The following PARN variants were observed in gnomAD, a reference collection of about 807,000 sequenced individuals.
The protein encoded by PARN is poly(A)-specific ribonuclease, also known as poly(A)-specific ribonuclease PARN.
In PARN, 71 loss-of-function variants were observed where a neutral mutation model predicts 102.8. That is an observed-to-expected ratio of 0.69 (90% CI 0.57 to 0.84). The LOEUF (loss-of-function observed/expected upper bound fraction) is 0.84, where lower values mean the gene tolerates loss of function less well. Among genes scored for constraint, PARN ranks in the 40% least tolerant of loss-of-function variants. The pLI is 0.00. For missense variants in PARN, 782 were observed against 760.9 expected (o/e 1.03, Z -0.33); for synonymous variants, 261 against 252.9 (o/e 1.03, Z -0.30).
At chr16:14,609,208 T>A (rs867663108) in intron 7 of PARN, 85 bp from the exon 8 acceptor site, 1 of 660,310 alleles carries the variant, frequency 1.5e-6, no homozygotes, top group Admixed American at 3.0e-5. Flanking sequence ...CCAAAAACAG[T>A]CTAACTATAA....
At chr16:14,485,358 T>C (rs771907501) in intron 21 of PARN, among the ~76,000 whole-genome samples, 5 of 152,246 alleles carry the variant, frequency 3.3e-5, no homozygotes, top group African/African-American at 7.2e-5. Context: ...CCAATAACCA[T>C]TGTCCACCCA....
At chr16:14,589,679 A>G (rs1255361048) in intron 13 of PARN, among the ~76,000 whole-genome samples, 1 of 152,146 alleles carries the variant, frequency 6.6e-6, no homozygotes, top group African/African-American at 2.4e-5. Context: ...CGGCCTGGCC[A>G]ACATGGCGAA....
intron 11 of PARN, among the ~76,000 whole-genome samples, chr16:14,600,510 A>C (rs1471205414): frequency 6.6e-6 from 1 of 151,982 alleles, no homozygotes; most frequent in Non-Finnish European, 1.5e-5. Context: ...CCCTCCTCTA[A>C]GATCTCTCAG....
chr16:14,590,034 T>C (rs1970078730), intron 13 of PARN, among the ~76,000 whole-genome samples: 1 of 151,652 alleles, frequency 6.6e-6, no homozygotes, highest in Non-Finnish European at 1.5e-5. Flanking sequence ...GTGGATCCCC[T>C]GAGGTCAGGA....
At chr16:14,480,612 C>T (rs143611781) in intron 22 of PARN, among the ~76,000 whole-genome samples, 2 of 152,278 alleles carry the variant, frequency 1.3e-5, no homozygotes, top group East Asian at 3.9e-4. Context: ...AACCACAATG[C>T]AATACTGTCT....
intron 5 of PARN, among the ~76,000 whole-genome samples, chr16:14,623,623 G>A (rs541258365): frequency 3.3e-5 from 5 of 151,970 alleles, no homozygotes; most frequent in African/African-American, 1.2e-4. Flanking sequence ...GATCACCTGA[G>A]GTCAGGAGTT....
chr16:14,609,720 A>T (rs1971404444), intron 7 of PARN, among the ~76,000 whole-genome samples: 1 of 152,260 alleles, frequency 6.6e-6, no homozygotes, highest in African/African-American at 2.4e-5. Flanking sequence ...TGGTTACACC[A>T]ACAACTAAGC....
intron 11 of PARN, among the ~76,000 whole-genome samples, chr16:14,603,632 C>T (rs1416048680): frequency 1.3e-5 from 2 of 152,192 alleles, no homozygotes; most frequent in African/African-American, 2.4e-5. Flanking sequence ...TACTCACTAT[C>T]CTACGCCAGG....
intron 22 of PARN, among the ~76,000 whole-genome samples, chr16:14,472,522 G>A (rs989116966): frequency 6.6e-6 from 1 of 152,172 alleles, no homozygotes; most frequent in Non-Finnish European, 1.5e-5. Context: ...CCCTTTAAAA[G>A]CCAACTAGAC....
intron 21 of PARN, among the ~76,000 whole-genome samples, chr16:14,550,399 C>T (rs987937442): frequency 6.6e-6 from 1 of 152,212 alleles, no homozygotes; most frequent in African/African-American, 2.4e-5. Context: ...AGCTCAAAGC[C>T]ATGCCAAGGT....
intron 19 of PARN, among the ~76,000 whole-genome samples, chr16:14,554,624 G>A (rs935317628): frequency 6.6e-6 from 1 of 151,232 alleles, no homozygotes; most frequent in Non-Finnish European, 1.5e-5. Flanking sequence ...TTTTATTTTT[G>A]TAGAGATGGG....
intron 21 of PARN, among the ~76,000 whole-genome samples, chr16:14,483,990 C>G (rs775135231): frequency 4.6e-5 from 7 of 152,172 alleles, no homozygotes; most frequent in South Asian, 2.1e-4. Context: ...TCCCTCACCC[C>G]CTCCTGTCCT....
intron 22 of PARN, among the ~76,000 whole-genome samples, chr16:14,480,530 A>G (rs1266144935): frequency 6.6e-6 from 1 of 152,248 alleles, no homozygotes; most frequent in African/African-American, 2.4e-5. Context: ...AGACTTAAAA[A>G]GCCACCTCAT....
At chr16:14,582,346 C>T (rs1969585400) in intron 16 of PARN, 55 bp from the exon 17 acceptor site, 6 of 1,120,002 alleles carry the variant, frequency 5.4e-6, no homozygotes, top group Admixed American at 5.1e-5. Flanking sequence ...AAGCACATTG[C>T]CCTACCAATC....
chr16:14,606,346 C>A, intron 10 of PARN, 138 bp downstream of exon 10: 1 of 460,600 alleles, frequency 2.2e-6, no homozygotes, highest in Non-Finnish European at 3.8e-6. Context: ...TGCAGTGAGC[C>A]GTGACTAACC....
intron 12 of PARN, among the ~76,000 whole-genome samples, chr16:14,599,040 T>C (rs1340851105): frequency 7.2e-6 from 1 of 139,016 alleles, no homozygotes; most frequent in Admixed American, 7.2e-5. Context: ...TCCTCTTCTT[T>C]TTTTTTTTTT....
chr16:14,485,294 T>A (rs1963609034), intron 21 of PARN, among the ~76,000 whole-genome samples: 1 of 152,258 alleles, frequency 6.6e-6, no homozygotes, highest in Non-Finnish European at 1.5e-5. Context: ...ACTTTGAATG[T>A]GTCATATTTC....
chr16:14,570,476 C>T (rs544504215), intron 18 of PARN, among the ~76,000 whole-genome samples: 19 of 151,238 alleles, frequency 1.3e-4, no homozygotes, highest in Admixed American at 1.3e-3. Context: ...ACAGTGAAAC[C>T]CTGTCTCTAC....
At chr16:14,608,440 T>C (rs187892970) in intron 8 of PARN, 121 bp from the exon 9 acceptor site, 1 of 625,056 alleles carries the variant, frequency 1.6e-6, no homozygotes, top group East Asian at 3.0e-5. Flanking sequence ...GATAGGTAAT[T>C]TGCAAACAAA....
Sources: allele counts gnomAD v4.1 joint callset (sites outside exome capture counted in the v4.1 genomes callset), GRCh38; gene constraint gnomAD v4.1.1; transcripts MANE v1.5; gene names NCBI Gene and HGNC (gene_info 2026-07-23, HGNC 2026-07-21).